The following STK39 variants were observed in gnomAD, a reference collection of about 807,000 sequenced individuals.
STK39 encodes STE20/SPS1-related proline-alanine-rich protein kinase.
Under a neutral mutation model 77.8 loss-of-function variants are expected in STK39, and 20 were observed. The observed-to-expected ratio is 0.26, with a 90% CI of 0.18 to 0.37. The LOEUF is 0.37. Among genes scored for constraint, STK39 ranks in the 10% least tolerant of loss-of-function variants. The pLI, the probability that STK39 is intolerant of heterozygous loss-of-function variation, is 1.00. For synonymous variants in STK39, 246 were observed against 234.1 expected, an observed-to-expected ratio of 1.05 and a Z score of -0.47; for missense variants, 479 against 656.5, an observed-to-expected ratio of 0.73 and a Z score of 2.95.
Position 168,247,209 on chromosome 2 carries a change from C to T in STK39, c.208+19G>A. On this transcript the variant is annotated intron_variant, in intron 1 of 17. Coordinates refer to ENST00000355999, the MANE Select transcript of STK39 (RefSeq NM_013233.3). ...CGGCGCCCGGCCTGTGCCGGCCCCG[C>T]CGCGCCCGCCGCACTGACCGATAAC... is the stretch of plus-strand genomic sequence containing the variant. The T allele has an allele frequency of 8.3e-7, 1 of 1,198,858 alleles. No individual in the cohort carries two copies. Among genetic ancestry groups the T allele is most frequent in the Non-Finnish European group, 1.0e-6 (1 of 961,946 alleles). The allele number at this position is 1,198,858 out of a possible 1,614,324, so 74.3% of individuals were successfully genotyped here. A position where few individuals can be genotyped will look rare whatever the true frequency, so the allele number is the denominator to read the frequency against.
intron 8 of STK39, among the ~76,000 whole-genome samples, chr2:168,135,076 A>C (rs1313091622): frequency 6.6e-6 from 1 of 152,220 alleles, no homozygotes; most frequent in African/African-American, 2.4e-5. Flanking sequence ...ATATAATACA[A>C]ACCAGACACT....
rs573701976 is a variant in STK39, at chr2:168,074,531, C to T, written c.1242+451G>A. On this transcript the variant is annotated intron_variant, in intron 12 of 17. Transcript: ENST00000355999. The stretch of plus-strand genomic sequence containing the variant: ...TATTTGGAAGATTTAAAAACCAAGA[C>T]CAACAGACTCAACCAAGAGTTTCTA... Among the ~76,000 whole-genome samples, 226 of 152,306 alleles carry T rather than the reference C, an allele frequency of 1.5e-3. 2 individuals carry two copies. Among genetic ancestry groups the T allele is most frequent in the African/African-American group, 5.2e-3 (216 of 41,564 alleles).
At chr2:168,104,416 A>G (rs998124278) in intron 10 of STK39, among the ~76,000 whole-genome samples, 3 of 152,216 alleles carry the variant, frequency 2.0e-5, no homozygotes, top group African/African-American at 7.2e-5. Context: ...TGCAAGTAGT[A>G]TAAGATTGTC....
intron 16 of STK39, among the ~76,000 whole-genome samples, chr2:167,970,276 A>G (rs926012204): frequency 1.2e-4 from 19 of 152,198 alleles, no homozygotes; most frequent in African/African-American, 4.6e-4. Context: ...CCACATACCC[A>G]GAAAATGAGC....
chr2:168,193,421 T>C (rs563524861), intron 1 of STK39, among the ~76,000 whole-genome samples: 1 of 152,276 alleles, frequency 6.6e-6, no homozygotes, highest in South Asian at 2.1e-4. Flanking sequence ...AAATGTCCAG[T>C]GCAGTGAAAA....
intron 10 of STK39, among the ~76,000 whole-genome samples, chr2:168,111,019 AAAT>A (rs1687107784): frequency 6.6e-6 from 1 of 152,174 alleles, no homozygotes; most frequent in Admixed American, 6.5e-5. Context: ...TAAAAACTAC[AAAT>A]AATAAAAACC....
At chr2:168,127,787 A>G (rs1224430894) in intron 10 of STK39, among the ~76,000 whole-genome samples, 1 of 152,204 alleles carries the variant, frequency 6.6e-6, no homozygotes, top group Non-Finnish European at 1.5e-5. Context: ...AAGAATAGAA[A>G]CGGGGAATGG....
chr2:168,065,543 A>G (rs1374841073), intron 12 of STK39, among the ~76,000 whole-genome samples, 162 bp from the exon 13 acceptor site: 1 of 152,206 alleles, frequency 6.6e-6, no homozygotes, highest in Non-Finnish European at 1.5e-5. Flanking sequence ...GGAATCACCT[A>G]GGACAAGTGT....
intron 1 of STK39, among the ~76,000 whole-genome samples, chr2:168,235,095 C>T (rs528885343): frequency 1.3e-5 from 2 of 150,404 alleles, no homozygotes; most frequent in South Asian, 2.1e-4. Context: ...TGGAGTGCAG[C>T]GGCGTGATCT....
chr2:168,219,314 T>C (rs974182938), intron 1 of STK39, among the ~76,000 whole-genome samples: 8 of 152,036 alleles, frequency 5.3e-5, no homozygotes, highest in Non-Finnish European at 1.0e-4. Context: ...TCAGATATTT[T>C]CGGTGTGTTC....
chr2:168,133,856 T>TAA (rs5836171), intron 8 of STK39, among the ~76,000 whole-genome samples: 104 of 148,922 alleles, frequency 7.0e-4, no homozygotes, highest in African/African-American at 2.1e-3. Flanking sequence ...AGACTCTGTC[T>TAA]AAAAAAAAAA....
intron 14 of STK39, among the ~76,000 whole-genome samples, chr2:168,031,493 G>A (rs6433031): frequency 0.068 from 10,407 of 152,082 alleles, 668 homozygotes; most frequent in East Asian, 0.2. Context: ...TGAACACACA[G>A]TTCAGATTCA....
intron 2 of STK39, among the ~76,000 whole-genome samples, chr2:168,181,100 T>C (rs1234165227): frequency 6.6e-6 from 1 of 152,222 alleles, no homozygotes; most frequent in Non-Finnish European, 1.5e-5. Flanking sequence ...CCAACTGTCA[T>C]TATACTTTGT....
chr2:168,144,457 C>T (rs1321653625), intron 5 of STK39, among the ~76,000 whole-genome samples: 1 of 151,984 alleles, frequency 6.6e-6, no homozygotes, highest in Non-Finnish European at 1.5e-5. Context: ...GCATGTGCTA[C>T]CATGCCCATC....
In STK39 at chr2:168,075,152, T is replaced by A. The variant is rs747339900; in HGVS notation, c.1169A>T (p.Asp390Val). 6.2e-7 allele frequency: 1 copy of A among 1,614,214 alleles called. No homozygotes were observed. Among genetic ancestry groups the A allele is most frequent in the Admixed American group, 1.7e-5 (1 of 60,016 alleles). ...GDWEWSDDEM[D>V]EKSEEGKAAF... is the part of the protein sequence containing the mutation. ...TGCTTTCCCTTCTTCGCTCTTCTCA[T>A]CCATCTCGTCGTCACTCCACTCCCA... Residue 390 changes from aspartate (D) to valine (V), a missense_variant, in exon 11 of 18, where the codon GAT becomes GTT. Coordinates refer to ENST00000355999, the MANE Select transcript of STK39 (RefSeq NM_013233.3).
chr2:168,164,111 G>A (rs981462528), intron 3 of STK39, among the ~76,000 whole-genome samples: 1 of 152,174 alleles, frequency 6.6e-6, no homozygotes, highest in Non-Finnish European at 1.5e-5. Context: ...CTGGGTCAGG[G>A]ACCAGAAGGC....
intron 16 of STK39, among the ~76,000 whole-genome samples, chr2:167,973,940 T>C (rs1424002455): frequency 1.3e-5 from 2 of 152,112 alleles, no homozygotes; most frequent in Admixed American, 1.3e-4. Flanking sequence ...TAACAAAAAT[T>C]TGTAAAGGGT....
intron 10 of STK39, among the ~76,000 whole-genome samples, chr2:168,087,627 A>G (rs943344623): frequency 6.6e-6 from 1 of 152,214 alleles, no homozygotes; most frequent in African/African-American, 2.4e-5. Flanking sequence ...AGGCTTGCCT[A>G]GACCGCCCCC....
chr2:168,173,720 T>C (rs1688886100), intron 2 of STK39, among the ~76,000 whole-genome samples: 1 of 152,094 alleles, frequency 6.6e-6, no homozygotes, highest in Non-Finnish European at 1.5e-5. Context: ...ACCTAATTTT[T>C]GTAGTTTTAG....
Sources: allele counts gnomAD v4.1 joint callset (sites outside exome capture counted in the v4.1 genomes callset), GRCh38; gene constraint gnomAD v4.1.1; transcripts MANE v1.5; gene names NCBI Gene and HGNC (gene_info 2026-07-23, HGNC 2026-07-21).